The following CHD6 variants were observed in gnomAD, a reference collection of about 807,000 sequenced individuals.
The protein encoded by CHD6 is ATP-dependent chromatin remodeler CHD6.
Under a neutral mutation model 276.9 loss-of-function variants are expected in CHD6, and 50 were observed. The observed-to-expected ratio is 0.18, with a 90% CI of 0.14 to 0.23. The LOEUF (loss-of-function observed/expected upper bound fraction) is 0.23. Ranked by LOEUF, CHD6 falls within the 10% of genes least tolerant of loss-of-function variation. The probability of loss-of-function intolerance (pLI) is 1.00; values close to 1 mark genes in which losing one functional copy is unlikely to be tolerated. For missense variants in CHD6, 2,564 were observed against 3,365.8 expected (o/e 0.76, Z 5.89); for synonymous variants, 1,173 against 1,229.3 (o/e 0.95, Z 0.96).
chr20:41,552,117 T>C (rs2045156354), intron 1 of CHD6, among the ~76,000 whole-genome samples: 1 of 152,208 alleles, frequency 6.6e-6, no homozygotes, highest in Non-Finnish European at 1.5e-5. Flanking sequence ...ACCCAGAATT[T>C]GGGGCTGCCT....
intron 3 of CHD6, among the ~76,000 whole-genome samples, chr20:41,523,643 GTTTT>G (rs2044458146): frequency 6.7e-6 from 1 of 149,506 alleles, no homozygotes; most frequent in South Asian, 2.1e-4. Flanking sequence ...CGTGTTTTTT[GTTTT>G]TTGTTTTTTT....
intron 1 of CHD6, among the ~76,000 whole-genome samples, chr20:41,585,867 G>A (rs559615199): frequency 1.2e-4 from 19 of 152,172 alleles, no homozygotes; most frequent in Admixed American, 2.6e-4. Context: ...AAGATAATGA[G>A]AGACAGGACT....
Position 41,402,393 on chromosome 20 carries a change from A to G in CHD6, c.*2200T>C, listed in dbSNP as rs1210758401. 8.7e-6 allele frequency: 2 copies of G among 229,734 alleles called. No homozygotes were observed. Among genetic ancestry groups the G allele is most frequent in the Admixed American group, 1.1e-4 (2 of 17,650 alleles). 14.2% of individuals were successfully genotyped at this position (229,734 alleles called of 1,614,324 possible). A position where few individuals can be genotyped will look rare whatever the true frequency, so the allele number is the denominator to read the frequency against. On this transcript the variant is annotated 3_prime_UTR_variant, in exon 37 of 37. Transcript: ENST00000373233. Reference sequence around the variant, plus strand: ...CCCAGAGAGTTAACATACAGATTCCATAAGGATAACAAGGGATTGAGCATG... The same window carrying G: ...CCCAGAGAGTTAACATACAGATTCCGTAAGGATAACAAGGGATTGAGCATG...
At chr20:41,450,220 T>C (rs2048193773) in intron 23 of CHD6, among the ~76,000 whole-genome samples, 1 of 152,164 alleles carries the variant, frequency 6.6e-6, no homozygotes, top group African/African-American at 2.4e-5. Flanking sequence ...TCTTAACCTA[T>C]AAAGTAATAA....
chr20:41,516,678 G>C (rs1479076568), intron 3 of CHD6, among the ~76,000 whole-genome samples: 1 of 152,114 alleles, frequency 6.6e-6, no homozygotes. Context: ...TCTGTGTCTG[G>C]ATAACAGGGC....
intron 17 of CHD6, among the ~76,000 whole-genome samples, chr20:41,462,299 C>T (rs961842128): frequency 2.0e-5 from 3 of 152,194 alleles, no homozygotes; most frequent in African/African-American, 7.2e-5. Flanking sequence ...TATCAGTACT[C>T]ATTTGATTTG....
intron 2 of CHD6, among the ~76,000 whole-genome samples, chr20:41,540,957 A>C (rs1344680864): frequency 1.3e-5 from 2 of 148,622 alleles, no homozygotes; most frequent in Non-Finnish European, 3.0e-5. Context: ...GGATTGTTTT[A>C]TTTTTTTCAC....
rs1270160459 is a variant in CHD6 at position 41,517,549 on chromosome 20, A to G, written c.555-2597T>C. Among the ~76,000 whole-genome samples, 5 of 152,234 alleles carry G rather than the reference A, an allele frequency of 3.3e-5. 1 individual carries two copies. The highest frequency in any genetic ancestry group is 1.3e-4 in the Admixed American group (2 of 15,278). On this transcript the variant is annotated intron_variant, in intron 3 of 36. Coordinates refer to ENST00000373233, the MANE Select transcript of CHD6 (RefSeq NM_032221.5). ...GGGACTTGTACCCTTAAGCAGGGGAAAAAGCAAAAGTTCTTCCTTTTCTTA... is the reference window on the plus strand; with the variant it reads ...GGGACTTGTACCCTTAAGCAGGGGAGAAAGCAAAAGTTCTTCCTTTTCTTA...
chr20:41,415,768 C>A, intron 33 of CHD6, 130 bp from the exon 34 acceptor site: 1 of 681,312 alleles, frequency 1.5e-6, no homozygotes. Context: ...TCTTCTAACT[C>A]AGGCCTCCTC....
intron 17 of CHD6, among the ~76,000 whole-genome samples, chr20:41,467,039 G>C (rs2042936545): frequency 1.3e-5 from 2 of 152,138 alleles, no homozygotes; most frequent in Admixed American, 1.3e-4. Flanking sequence ...GGAGGAACCC[G>C]GGACTCCGAT....
Position 41,586,278 on chromosome 20 carries a change from G to A in CHD6, c.-24+32062C>T, listed in dbSNP as rs189586369. Among the ~76,000 whole-genome samples, 9 of 152,330 alleles carry A rather than the reference G, an allele frequency of 5.9e-5. No homozygotes were observed. In the South Asian group the frequency reaches 1.0e-3, roughly 18 times the overall value. On this transcript the variant is annotated intron_variant, in intron 1 of 36. Transcript: ENST00000373233. ...GCTGAACGCCGTCACAAGACCCGCCGTTGACTTTCACCCCTCCGGATCCGG... is the reference window on the plus strand; with the variant it reads ...GCTGAACGCCGTCACAAGACCCGCCATTGACTTTCACCCCTCCGGATCCGG...
chr20:41,575,727 A>G (rs2045467249), intron 1 of CHD6, among the ~76,000 whole-genome samples: 1 of 152,150 alleles, frequency 6.6e-6, no homozygotes, highest in Admixed American at 6.5e-5. Context: ...TCATTTCTCA[A>G]ATTTCTCCCT....
At chr20:41,411,289 C>A (rs1052360393) in intron 36 of CHD6, among the ~76,000 whole-genome samples, 3 of 151,896 alleles carry the variant, frequency 2.0e-5, no homozygotes, top group African/African-American at 7.3e-5. Flanking sequence ...CTAGGGTGGG[C>A]GGTCTTTTGG....
At chr20:41,495,317 T>A (rs1229757607) in intron 8 of CHD6, among the ~76,000 whole-genome samples, 3 of 152,202 alleles carry the variant, frequency 2.0e-5, no homozygotes, top group Non-Finnish European at 4.4e-5. Context: ...ACAACATGGA[T>A]GAACCTGGAG....
intron 33 of CHD6, among the ~76,000 whole-genome samples, chr20:41,416,052 A>T (rs953838618): frequency 6.6e-6 from 1 of 152,198 alleles, no homozygotes; most frequent in African/African-American, 2.4e-5. Context: ...AGCTGATTCC[A>T]ATGTGCAGTT....
chr20:41,589,587 G>C (rs1316739857), intron 1 of CHD6, among the ~76,000 whole-genome samples: 1 of 152,108 alleles, frequency 6.6e-6, no homozygotes, highest in African/African-American at 2.4e-5. Flanking sequence ...GGCAAACAGA[G>C]AGCCAAATTA....
chr20:41,618,108 G>A (rs1362059160), intron 1 of CHD6, among the ~76,000 whole-genome samples: 3 of 149,304 alleles, frequency 2.0e-5, no homozygotes, highest in Non-Finnish European at 1.5e-5. Context: ...CGTGGCAGAG[G>A]CCGCCCCTCT....
intron 1 of CHD6, among the ~76,000 whole-genome samples, chr20:41,595,036 A>G (rs2045703975): frequency 6.6e-6 from 1 of 152,218 alleles, no homozygotes; most frequent in African/African-American, 2.4e-5. Flanking sequence ...ATCGTCCAGG[A>G]TCCCATTCTC....
At position 41,581,126 on chromosome 20, in the gene CHD6, G is replaced by A. The variant is rs2045534078; in HGVS notation, c.-23-29766C>T. On this transcript the variant is annotated intron_variant, in intron 1 of 36. Coordinates refer to ENST00000373233, the MANE Select transcript of CHD6 (RefSeq NM_032221.5). ...AAATTGGATTTGTCTAATATTCACTGTTAATAATTAAGGTAGAATGCAGCA... is the reference window on the plus strand; with the variant it reads ...AAATTGGATTTGTCTAATATTCACTATTAATAATTAAGGTAGAATGCAGCA... 3.3e-5 allele frequency among the ~76,000 whole-genome samples: 5 copies of A among 152,166 alleles called. No homozygotes were observed. The South Asian group carries it at 1.0e-3, about 32-fold the overall frequency.
Sources: gnomAD v4.1 joint callset for allele counts (sites outside exome capture counted in the v4.1 genomes callset) on GRCh38, gnomAD v4.1.1 for gene constraint, MANE v1.5 for transcripts, NCBI Gene and HGNC (gene_info 2026-07-23, HGNC 2026-07-21) for gene names.